The following NTNG1 variants were observed in gnomAD, a reference collection of about 807,000 sequenced individuals.
NTNG1 encodes netrin-G1.
NTNG1 carries 16 observed loss-of-function variants against 54.0 expected under a neutral mutation model. That is an observed-to-expected ratio of 0.30 (90% CI 0.20 to 0.45). The LOEUF is 0.45. Among genes scored for constraint, NTNG1 ranks in the 20% least tolerant of loss-of-function variants. The probability of loss-of-function intolerance (pLI) is 1.00; values close to 1 mark genes in which losing one functional copy is unlikely to be tolerated. For missense variants in NTNG1, 530 were observed against 678.7 expected, an observed-to-expected ratio of 0.78 and a Z score of 2.43; for synonymous variants, 255 against 263.1, an observed-to-expected ratio of 0.97 and a Z score of 0.30.
chr1:107,226,292 G>A (rs1227108125), intron 2 of NTNG1, among the ~76,000 whole-genome samples: 1 of 152,114 alleles, frequency 6.6e-6, no homozygotes. Context: ...TAAATGCAAT[G>A]CACTATTTTA....
intron 2 of NTNG1, among the ~76,000 whole-genome samples, chr1:107,319,614 A>G (rs1284578044): frequency 6.6e-6 from 1 of 152,086 alleles, no homozygotes; most frequent in East Asian, 1.9e-4. Flanking sequence ...GCCAGATGCA[A>G]ATGGGTGCAG....
At chr1:107,314,153 CCA>C (rs1170917115) in intron 2 of NTNG1, among the ~76,000 whole-genome samples, 2 of 152,080 alleles carry the variant, frequency 1.3e-5, no homozygotes, top group African/African-American at 4.8e-5. Flanking sequence ...GCCTGTAATC[CCA>C]GCACTTTGGG....
At chr1:107,327,606 C>T (rs565082515) in intron 3 of NTNG1, among the ~76,000 whole-genome samples, 34 of 152,154 alleles carry the variant, frequency 2.2e-4, no homozygotes, top group African/African-American at 1.4e-4. Flanking sequence ...TCCTTGCACC[C>T]GCCCCCACCA....
At chr1:107,432,174 A>G (rs1040185277) in intron 6 of NTNG1, among the ~76,000 whole-genome samples, 3 of 152,196 alleles carry the variant, frequency 2.0e-5, no homozygotes, top group Non-Finnish European at 4.4e-5. Flanking sequence ...TGCCATAGGT[A>G]AGTCATTTGA....
At chr1:107,220,957 C>T (rs1001311881) in intron 2 of NTNG1, among the ~76,000 whole-genome samples, 3 of 151,800 alleles carry the variant, frequency 2.0e-5, no homozygotes, top group Non-Finnish European at 2.9e-5. Context: ...TTAAACTTTT[C>T]CACTTATTAT....
At chr1:107,203,004 A>G (rs1397428798) in intron 2 of NTNG1, among the ~76,000 whole-genome samples, 1 of 152,010 alleles carries the variant, frequency 6.6e-6, no homozygotes, top group Non-Finnish European at 1.5e-5. Context: ...CAAAATTTAA[A>G]ATTATTTAAT....
chr1:107,243,793 A>G (rs1391246904), intron 2 of NTNG1, among the ~76,000 whole-genome samples: 1 of 151,940 alleles, frequency 6.6e-6, no homozygotes. Flanking sequence ...TTTTCAATAT[A>G]TGACTCTGCA....
chr1:107,216,537 G>A (rs1235062081), intron 2 of NTNG1, among the ~76,000 whole-genome samples: 1 of 152,110 alleles, frequency 6.6e-6, no homozygotes, highest in Non-Finnish European at 1.5e-5. Flanking sequence ...TATGCTTTTG[G>A]ATTTGGTTAG....
chr1:107,447,079 TA>T (rs776645353), intron 7 of NTNG1, among the ~76,000 whole-genome samples: 32 of 150,490 alleles, frequency 2.1e-4, no homozygotes, highest in Non-Finnish European at 4.3e-4. Context: ...ATATTACAGA[TA>T]TTTTTTTCTA....
At chr1:107,350,245 A>T (rs945300422) in intron 3 of NTNG1, among the ~76,000 whole-genome samples, 1 of 152,124 alleles carries the variant, frequency 6.6e-6, no homozygotes, top group Non-Finnish European at 1.5e-5. Context: ...TTTATCTTTC[A>T]TTTTAATTGA....
upstream of NTNG1, among the ~76,000 whole-genome samples, chr1:107,140,598 G>A (rs554001793): frequency 2.6e-5 from 4 of 152,132 alleles, no homozygotes; most frequent in South Asian, 6.2e-4. Flanking sequence ...TGGTATTAGA[G>A]GATCTTCTTG....
intron 2 of NTNG1, among the ~76,000 whole-genome samples, chr1:107,283,493 G>T (rs1389135686): frequency 6.6e-6 from 1 of 152,138 alleles, no homozygotes; most frequent in Non-Finnish European, 1.5e-5. Flanking sequence ...TTGTTAGTTT[G>T]TCACTTTATT....
At chr1:107,456,926 G>A (rs984023987) in intron 7 of NTNG1, among the ~76,000 whole-genome samples, 2 of 152,182 alleles carry the variant, frequency 1.3e-5, no homozygotes, top group African/African-American at 4.8e-5. Flanking sequence ...GGAGTGTTGT[G>A]TCATATAAAT....
chr1:107,326,515 G>A (rs1356518761), intron 3 of NTNG1, among the ~76,000 whole-genome samples: 1 of 152,024 alleles, frequency 6.6e-6, no homozygotes, highest in Non-Finnish European at 1.5e-5. Flanking sequence ...TATGATATAT[G>A]AAAATAGTTG....
chr1:107,426,550 A>G (rs1674921737), intron 5 of NTNG1, among the ~76,000 whole-genome samples: 1 of 152,090 alleles, frequency 6.6e-6, no homozygotes, highest in Non-Finnish European at 1.5e-5. Flanking sequence ...TACCAGTACC[A>G]TGCTGTTTCA....
At chr1:107,288,493 G>A (rs973746344) in intron 2 of NTNG1, among the ~76,000 whole-genome samples, 4 of 151,972 alleles carry the variant, frequency 2.6e-5, no homozygotes, top group Non-Finnish European at 4.4e-5. Flanking sequence ...GTCTAAAATC[G>A]CACCACTGAG....
chr1:107,143,143 C>G (rs1169297614), intron 1 of NTNG1: 14 of 152,044 alleles, frequency 9.2e-5, no homozygotes, highest in Admixed American at 9.2e-4. Context: ...ATTCAGGATT[C>G]TATATACTGC....
At chr1:107,320,526 A>G (rs1179134202) in intron 2 of NTNG1, among the ~76,000 whole-genome samples, 2 of 152,084 alleles carry the variant, frequency 1.3e-5, no homozygotes, top group African/African-American at 4.8e-5. Flanking sequence ...TTATTTTCAT[A>G]TTGATAATTC....
chr1:107,388,641 G>T (rs1442435252), intron 3 of NTNG1, among the ~76,000 whole-genome samples: 2 of 152,312 alleles, frequency 1.3e-5, no homozygotes, highest in Admixed American at 6.5e-5. Context: ...TTGTTTAGTT[G>T]TTGATTTGTT....
Sources: gnomAD v4.1 joint callset for allele counts (sites outside exome capture counted in the v4.1 genomes callset) on GRCh38, gnomAD v4.1.1 for gene constraint, MANE v1.5 for transcripts, NCBI Gene and HGNC (gene_info 2026-07-23, HGNC 2026-07-21) for gene names.